The following UFM1 variants were observed in gnomAD, a reference collection of about 807,000 sequenced individuals.
UFM1 encodes the protein ubiquitin-fold modifier 1.
In UFM1, 9 loss-of-function variants were observed where a neutral mutation model predicts 15.4. The observed-to-expected ratio is 0.59, with a 90% CI of 0.35 to 1.02. The LOEUF (loss-of-function observed/expected upper bound fraction) is 1.02, where lower values mean the gene tolerates loss of function less well. Ranked by LOEUF, UFM1 falls within the 50% of genes least tolerant of loss-of-function variation. UFM1 has a pLI of 0.02. For missense variants in UFM1, 98 were observed against 104.7 expected, an observed-to-expected ratio of 0.94 and a Z score of 0.28; for synonymous variants, 27 against 36.3, an observed-to-expected ratio of 0.74 and a Z score of 0.92.
At chr13:38,357,731 TACAATA>T (rs758440412) in intron 3 of UFM1, among the ~76,000 whole-genome samples, 14 of 151,974 alleles carry the variant, frequency 9.2e-5, no homozygotes, top group Non-Finnish European at 1.8e-4. Flanking sequence ...ACTGTATTCT[TACAATA>T]ACGTTAAAGA....
chr13:38,360,862 A>C lies in UFM1; in HGVS notation c.*84A>C. 1 of 1,170,382 alleles carries C rather than the reference A, an allele frequency of 8.5e-7. No homozygotes were observed. The highest frequency in any genetic ancestry group is 1.3e-6 in the Non-Finnish European group (1 of 790,974). The allele number at this position is 1,170,382 out of a possible 1,614,324, so 72.5% of individuals were successfully genotyped here. A position where few individuals can be genotyped will look rare whatever the true frequency, so the allele number is the denominator to read the frequency against. On this transcript the variant is annotated 3_prime_UTR_variant, in exon 6 of 6. Transcript: ENST00000239878. ...TTGTAAAATTGAAATCAGGCATTTA[A>C]CATACTATGAAAACACCAGGAGTCA...
chr13:38,350,446 GAAGTT>G (rs1878785554), intron 2 of UFM1, among the ~76,000 whole-genome samples: 1 of 152,194 alleles, frequency 6.6e-6, no homozygotes, highest in Non-Finnish European at 1.5e-5. Flanking sequence ...GCTGGTTGAG[GAAGTT>G]AAGGAAGACA....
intron 4 of UFM1, among the ~76,000 whole-genome samples, chr13:38,358,607 T>C (rs1422829639): frequency 1.3e-5 from 2 of 151,960 alleles, no homozygotes; most frequent in Non-Finnish European, 2.9e-5. Context: ...ATGATGGAAT[T>C]AGTCTTGTGA....
At chr13:38,351,667 A>G (rs1476294536) in intron 2 of UFM1, among the ~76,000 whole-genome samples, 1 of 152,190 alleles carries the variant, frequency 6.6e-6, no homozygotes, top group Non-Finnish European at 1.5e-5. Flanking sequence ...CTACTGGATT[A>G]TTCTCATCAA....
chr13:38,358,339 C>T (rs1308045229), intron 4 of UFM1, among the ~76,000 whole-genome samples: 1 of 151,372 alleles, frequency 6.6e-6, no homozygotes, highest in African/African-American at 2.4e-5. Flanking sequence ...TATAGTATAG[C>T]ACTTTATAAT....
In UFM1 at chr13:38,349,926, G is replaced by A; in HGVS notation, c.2+5G>A. On this transcript the variant is annotated splice_donor_5th_base_variant and intron_variant, in intron 1 of 5. Transcript: ENST00000239878. ...GATTCATTCCGGCACCACCATGTAA[G>A]TGTTTGCTTACCGACTGCCATAATT... 6.2e-7 allele frequency: 1 copy of A among 1,614,010 alleles called. No individual in the cohort carries two copies. The highest frequency in any genetic ancestry group is 8.5e-7 in the Non-Finnish European group (1 of 1,179,896).
chr13:38,353,107 T>A (rs991939886), intron 2 of UFM1, among the ~76,000 whole-genome samples: 8 of 152,272 alleles, frequency 5.3e-5, no homozygotes, highest in African/African-American at 1.9e-4. Flanking sequence ...TAATAGTATT[T>A]TGGAGTTGTG....
rs376563718 is a variant in UFM1 at position 38,350,956 on chromosome 13, A to G, written c.59+901A>G. ...CAGCCTAGAACCTTAAGATTCCAATAATTGCTCCATCTCTGAGATGTCGTT... is the reference window on the plus strand; with the variant it reads ...CAGCCTAGAACCTTAAGATTCCAATGATTGCTCCATCTCTGAGATGTCGTT... On this transcript the variant is annotated intron_variant, in intron 2 of 5. Coordinates refer to ENST00000239878, the MANE Select transcript of UFM1 (RefSeq NM_016617.4). Among the ~76,000 whole-genome samples the G allele has an allele frequency of 1.6e-4, 24 of 152,208 alleles. No homozygotes were observed. The East Asian group carries it at 4.4e-3, about 28-fold the overall frequency.
Position 38,362,432 on chromosome 13 carries a change from T to G in UFM1, c.*1654T>G, listed in dbSNP as rs1047062919. On this transcript the variant is annotated 3_prime_UTR_variant, in exon 6 of 6. Transcript: ENST00000239878. ...TATTTGCTGAGGTGAAAAAATCTGA[T>G]GTTTGAGGAAGTTTTTATTTTTATT... is the stretch of plus-strand genomic sequence containing the variant. 6 of 151,218 alleles carry G rather than the reference T, an allele frequency of 4.0e-5. No homozygotes were observed. Among genetic ancestry groups the G allele is most frequent in the African/African-American group, 1.5e-4 (6 of 41,302 alleles). The allele number at this position is 151,218 out of a possible 1,614,324, so 9.4% of individuals were successfully genotyped here.
Position 38,360,960 on chromosome 13 carries a change from G to A in UFM1, c.*182G>A, listed in dbSNP as rs777773058. 1 of 481,952 alleles carries A rather than the reference G, an allele frequency of 2.1e-6. No homozygotes were observed. The highest frequency in any genetic ancestry group is 3.7e-6 in the Non-Finnish European group (1 of 271,530). 29.9% of individuals were successfully genotyped at this position (481,952 alleles called of 1,614,324 possible). A position where few individuals can be genotyped will look rare whatever the true frequency, so the allele number is the denominator to read the frequency against. On this transcript the variant is annotated 3_prime_UTR_variant, in exon 6 of 6. Transcript: ENST00000239878. ...CTTCCTATGAAGAGGGAATGCGTAT[G>A]AATTAAGGCTACTACTGTCACAGAA... is the stretch of plus-strand genomic sequence containing the variant.
Position 38,350,014 on chromosome 13 carries a change from T to G in UFM1, c.18T>G (p.Phe6Leu), listed in dbSNP as rs769906555. The part of the protein sequence containing the change: MSKVS[F>L]KITLTSDPRL... ...TTTTCCTCAGGTCGAAGGTTTCCTT[T>G]AAGATCACGCTGACGTCGGACCCAC... is the stretch of plus-strand genomic sequence containing the variant. Residue 6 changes from phenylalanine to leucine, a missense_variant, in exon 2 of 6, where the codon TTT becomes TTG. Phe to Leu is a conservative substitution (Grantham distance 22). Transcript: ENST00000239878. 6.2e-7 allele frequency: 1 copy of G among 1,614,202 alleles called. No homozygotes were observed. The highest frequency in any genetic ancestry group is 8.5e-7 in the Non-Finnish European group (1 of 1,180,040).
chr13:38,350,038 A>G lies in UFM1; in HGVS notation c.42A>G (p.Pro14=). The change falls in exon 2 of 6, where the codon CCA becomes CCG. Residue 14 remains proline, a synonymous_variant. Transcript: ENST00000239878. The part of the protein sequence containing the change: ...VSFKITLTSD[P]RLPYKVLSVP... ...TTAAGATCACGCTGACGTCGGACCCACGGCTGCCGTACAAAGTGTGAGTAG... is the reference window on the plus strand; with the variant it reads ...TTAAGATCACGCTGACGTCGGACCCGCGGCTGCCGTACAAAGTGTGAGTAG... 1.2e-6 allele frequency: 2 copies of G among 1,614,130 alleles called. No individual in the cohort carries two copies. Among genetic ancestry groups the G allele is most frequent in the Non-Finnish European group, 1.7e-6 (2 of 1,180,032 alleles).
Position 38,362,967 on chromosome 13 carries a change from T to G in UFM1, c.*2189T>G, listed in dbSNP as rs1382221720. On this transcript the variant is annotated 3_prime_UTR_variant, in exon 6 of 6. Transcript: ENST00000239878. ...TTTACATGCGTTATTGGTTTATAAT[T>G]AATATCTAATGAAAATACATGTTGT... The G allele has an allele frequency of 1.3e-5, 2 of 152,234 alleles. No individual in the cohort carries two copies. The highest frequency in any genetic ancestry group is 1.3e-4 in the Admixed American group (2 of 15,284). The allele number at this position is 152,234 out of a possible 1,614,324, so 9.4% of individuals were successfully genotyped here. A position where few individuals can be genotyped will look rare whatever the true frequency, so the allele number is the denominator to read the frequency against.
At chr13:38,354,386 C>T in intron 3 of UFM1, 90 bp downstream of exon 3, 1 of 1,115,718 alleles carries the variant, frequency 9.0e-7, no homozygotes. Context: ...TTTGACCCAT[C>T]ATTTCCATGT....
chr13:38,359,324 C>G lies in UFM1; in HGVS notation c.181C>G (p.Gln61Glu). Residue 61 changes from glutamine to glutamate, a missense_variant, in exon 5 of 6, where the codon CAG (glutamine) becomes GAG (glutamate). Gln to Glu is a conservative substitution (Grantham distance 29). Transcript: ENST00000239878. Reference protein sequence around the residue: ...TNDGIGINPAQTAGNVFLKHG... With the variant: ...TNDGIGINPAETAGNVFLKHG... ...AGATGGAATAGGAATAAATCCTGCA[C>G]AGACTGCTGGTGAGTATTTGAAAAC... 1 of 1,611,610 alleles carries G rather than the reference C, an allele frequency of 6.2e-7. No individual in the cohort carries two copies. Among genetic ancestry groups the G allele is most frequent in the Non-Finnish European group, 8.5e-7 (1 of 1,178,284 alleles).
chr13:38,358,682 A>G (rs1488365396), intron 4 of UFM1, among the ~76,000 whole-genome samples: 2 of 152,068 alleles, frequency 1.3e-5, no homozygotes, highest in Non-Finnish European at 2.9e-5. Context: ...TGTTTCAAGT[A>G]TACAATGCAG....
intron 3 of UFM1, among the ~76,000 whole-genome samples, chr13:38,356,249 A>T (rs188397522): frequency 2.0e-5 from 3 of 151,890 alleles, no homozygotes; most frequent in Admixed American, 2.0e-4. Context: ...AAATACATAG[A>T]TTATCTTAAA....
chr13:38,359,965 T>C, intron 5 of UFM1: 1 of 299,482 alleles, frequency 3.3e-6, no homozygotes, highest in Middle Eastern at 7.4e-4. Context: ...TGTAACCTCA[T>C]TCTAGAGCAG....
chr13:38,357,347 C>CA (rs1352458215), intron 3 of UFM1, among the ~76,000 whole-genome samples: 1 of 151,766 alleles, frequency 6.6e-6, no homozygotes, highest in African/African-American at 2.4e-5. Flanking sequence ...TTTTGCTGTT[C>CA]AAGAGAATTA....
Sources: allele counts gnomAD v4.1 joint callset (sites outside exome capture counted in the v4.1 genomes callset), GRCh38; gene constraint gnomAD v4.1.1; transcripts MANE v1.5; gene names NCBI Gene and HGNC (gene_info 2026-07-23, HGNC 2026-07-21).